The following NUBPL variants were observed in gnomAD, a reference collection of about 807,000 sequenced individuals.
NUBPL encodes iron-sulfur cluster transfer protein NUBPL.
Under a neutral mutation model 45.7 loss-of-function variants are expected in NUBPL, and 31 were observed. The observed-to-expected ratio is 0.68, with a 90% CI of 0.51 to 0.92. The LOEUF is 0.92. NUBPL is among the 40% of genes least tolerant of loss of function. The probability of loss-of-function intolerance (pLI) is 0.00; values close to 1 mark genes in which losing one functional copy is unlikely to be tolerated. For synonymous variants in NUBPL, 144 were observed against 140.9 expected (o/e 1.02, Z -0.15); for missense variants, 401 against 398.7 (o/e 1.01, Z -0.05).
chr14:31,677,159 A>C (rs544957633), intron 6 of NUBPL, among the ~76,000 whole-genome samples: 45 of 152,280 alleles, frequency 3.0e-4, no homozygotes, highest in South Asian at 1.0e-3. Context: ...CATCCCCTCA[A>C]GCATTTATCC....
intron 4 of NUBPL, among the ~76,000 whole-genome samples, chr14:31,605,757 T>A (rs2034570669): frequency 6.6e-6 from 1 of 151,330 alleles, no homozygotes; most frequent in Non-Finnish European, 1.5e-5. Context: ...CCTTCCTTCC[T>A]CCTTCTCCTT....
At chr14:31,808,158 A>G (rs926240614) in intron 7 of NUBPL, among the ~76,000 whole-genome samples, 2 of 152,208 alleles carry the variant, frequency 1.3e-5, no homozygotes, top group African/African-American at 2.4e-5. Context: ...AGTTCTGTGA[A>G]GAAAGTCATT....
chr14:31,759,691 A>G (rs2038755333), intron 6 of NUBPL, among the ~76,000 whole-genome samples: 1 of 150,954 alleles, frequency 6.6e-6, no homozygotes, highest in African/African-American at 2.4e-5. Context: ...TGTACTTTGA[A>G]TTTTGATTCT....
chr14:31,712,331 G>A lies in NUBPL; in HGVS notation c.513+38757G>A, dbSNP rs184501054. Among the ~76,000 whole-genome samples the A allele has an allele frequency of 7.9e-5, 12 of 152,318 alleles. No individual in the cohort carries two copies. In the East Asian group the frequency reaches 1.2e-3, roughly 15 times the overall value. On this transcript the variant is annotated intron_variant, in intron 6 of 10. Transcript: ENST00000281081. ...CCAGATGGCTTCACCAATGGTACTC[G>A]CCGCAGGACTTTGCAGCACCTAGCC... is the stretch of plus-strand genomic sequence containing the variant.
At chr14:31,652,688 A>C (rs180692656) in intron 4 of NUBPL, among the ~76,000 whole-genome samples, 94 of 152,342 alleles carry the variant, frequency 6.2e-4, no homozygotes, top group African/African-American at 2.3e-3. Context: ...CAAAATTTAT[A>C]AAACCATCAA....
At chr14:31,674,897 G>A (rs2036656216) in intron 6 of NUBPL, among the ~76,000 whole-genome samples, 1 of 152,156 alleles carries the variant, frequency 6.6e-6, no homozygotes, top group African/African-American at 2.4e-5. Flanking sequence ...AGCACTTTGG[G>A]AGGCCGAGAT....
intron 3 of NUBPL, among the ~76,000 whole-genome samples, chr14:31,570,328 T>G (rs970549447): frequency 2.6e-5 from 4 of 152,200 alleles, no homozygotes; most frequent in African/African-American, 9.6e-5. Flanking sequence ...TTAATATTGC[T>G]TCATAACAGA....
At chr14:31,646,848 G>A (rs34822969) in intron 4 of NUBPL, among the ~76,000 whole-genome samples, 2 of 147,070 alleles carry the variant, frequency 1.4e-5, no homozygotes, top group African/African-American at 2.5e-5. Flanking sequence ...TCTCAAATTT[G>A]TTTTTTTTTT....
intron 4 of NUBPL, among the ~76,000 whole-genome samples, chr14:31,608,992 A>G (rs900589138): frequency 6.6e-6 from 1 of 152,218 alleles, no homozygotes; most frequent in Non-Finnish European, 1.5e-5. Context: ...AGCTTCACTT[A>G]AGGAAGACAG....
intron 6 of NUBPL, among the ~76,000 whole-genome samples, chr14:31,716,312 A>G (rs1042798698): frequency 9.9e-5 from 15 of 152,244 alleles, no homozygotes; most frequent in African/African-American, 3.6e-4. Flanking sequence ...AACCAGTGAC[A>G]TGGTCCTTTA....
At chr14:31,617,318 T>C (rs1394860793) in intron 4 of NUBPL, among the ~76,000 whole-genome samples, 1 of 152,216 alleles carries the variant, frequency 6.6e-6, no homozygotes, top group Non-Finnish European at 1.5e-5. Flanking sequence ...CTATGTGGAA[T>C]AGGAGTGGTG....
At chr14:31,639,972 T>C (rs1439598337) in intron 4 of NUBPL, among the ~76,000 whole-genome samples, 1 of 152,186 alleles carries the variant, frequency 6.6e-6, no homozygotes, top group Admixed American at 6.5e-5. Context: ...GACCCGATTT[T>C]CCAGGTGCTG....
At chr14:31,724,982 A>G (rs1461037037) in intron 6 of NUBPL, among the ~76,000 whole-genome samples, 2 of 152,054 alleles carry the variant, frequency 1.3e-5, no homozygotes, top group Non-Finnish European at 2.9e-5. Context: ...GAACAAGTGC[A>G]CAAGTGTCAA....
At chr14:31,635,636 C>G (rs77685955) in intron 4 of NUBPL, among the ~76,000 whole-genome samples, 149,669 of 151,826 alleles carry the variant, frequency 0.99, 73,801 homozygotes, top group Middle Eastern at 1. Context: ...GAAAGTCATT[C>G]GTAGCTTGAT....
intron 4 of NUBPL, among the ~76,000 whole-genome samples, chr14:31,602,864 T>TA (rs769071733): frequency 3.3e-5 from 5 of 152,062 alleles, no homozygotes; most frequent in South Asian, 2.1e-4. Flanking sequence ...TTTAAAGTGT[T>TA]AAAAAAAACT....
At chr14:31,704,602 G>A (rs2037406351) in intron 6 of NUBPL, among the ~76,000 whole-genome samples, 1 of 152,038 alleles carries the variant, frequency 6.6e-6, no homozygotes, top group Non-Finnish European at 1.5e-5. Flanking sequence ...GGCGGAGGTT[G>A]CTGTGAGCCA....
At chr14:31,564,685 A>G (rs1385299309) in intron 2 of NUBPL, among the ~76,000 whole-genome samples, 2 of 152,152 alleles carry the variant, frequency 1.3e-5, no homozygotes, top group Admixed American at 6.5e-5. Context: ...ATTGAATTAT[A>G]TATTAACATG....
At chr14:31,772,579 G>A (rs556434425) in intron 6 of NUBPL, among the ~76,000 whole-genome samples, 3 of 152,264 alleles carry the variant, frequency 2.0e-5, no homozygotes, top group South Asian at 4.2e-4. Context: ...GCTAGCTGGG[G>A]AACTGATAAT....
intron 3 of NUBPL, among the ~76,000 whole-genome samples, chr14:31,587,018 A>G (rs1461977149): frequency 6.6e-6 from 1 of 152,164 alleles, no homozygotes; most frequent in Non-Finnish European, 1.5e-5. Context: ...CTAACGGAAA[A>G]CAGAGGAGGC....
Sources: allele counts gnomAD v4.1 joint callset (sites outside exome capture counted in the v4.1 genomes callset), GRCh38; gene constraint gnomAD v4.1.1; transcripts MANE v1.5; gene names NCBI Gene and HGNC (gene_info 2026-07-23, HGNC 2026-07-21).